The following DLGAP2 variants were observed in gnomAD, a reference collection of about 807,000 sequenced individuals.
DLGAP2 encodes the protein disks large-associated protein 2.
In DLGAP2, 26 loss-of-function variants were observed where a neutral mutation model predicts 100.3. The ratio of observed to expected loss-of-function variants is 0.26; its 90% CI spans 0.19 to 0.36. DLGAP2 has a LOEUF of 0.36. Among genes scored for constraint, DLGAP2 ranks in the 10% least tolerant of loss-of-function variants. The pLI is 1.00. For missense variants in DLGAP2, 1,858 were observed against 1,453.2 expected (o/e 1.28, Z -4.53); for synonymous variants, 886 against 630.1 (o/e 1.41, Z -6.08).
intron 3 of DLGAP2, among the ~76,000 whole-genome samples, chr8:1,324,835 C>T (rs576709129): frequency 6.6e-6 from 1 of 152,238 alleles, no homozygotes; most frequent in Admixed American, 6.5e-5. Context: ...TTGGCAGTCC[C>T]GTGAAATACG....
At position 1,565,865 on chromosome 8, in the gene DLGAP2, C is replaced by T. The variant is rs201868215; in HGVS notation, c.1413C>T (p.Ile471=). 2,601 of 1,610,760 alleles carry T rather than the reference C, an allele frequency of 1.6e-3. 5 individuals are homozygous for T. Among genetic ancestry groups the T allele is most frequent in the Non-Finnish European group, 2.0e-3 (2,334 of 1,178,508 alleles). Residue 471 remains isoleucine, a synonymous_variant, in exon 6 of 15, where the codon ATC becomes ATT. Coordinates refer to ENST00000637795, the MANE Select transcript of DLGAP2 (RefSeq NM_001346810.2). ...TACCAGAGCCGCTGCTGAAGTCCAT[C>T]GGACAGAGACCGCTTGGAGAGCACC... is the stretch of plus-strand genomic sequence containing the variant. ...AILPEPLLKS[I]GQRPLGEHQT...
At chr8:1,086,543 A>G (rs1290988487) in intron 2 of DLGAP2, among the ~76,000 whole-genome samples, 1 of 152,220 alleles carries the variant, frequency 6.6e-6, no homozygotes. Context: ...ATTTTGAAGG[A>G]CACACAGCCT....
chr8:788,325 G>T (rs1318328354), intron 1 of DLGAP2, among the ~76,000 whole-genome samples: 1 of 152,212 alleles, frequency 6.6e-6, no homozygotes, highest in Non-Finnish European at 1.5e-5. Context: ...TCGAGGCCTT[G>T]GCATCTGTGT....
At chr8:1,087,231 T>C (rs1333697101) in intron 2 of DLGAP2, among the ~76,000 whole-genome samples, 4 of 152,208 alleles carry the variant, frequency 2.6e-5, no homozygotes, top group African/African-American at 7.2e-5. Context: ...CAAAAGCAAT[T>C]TTAAGAGGAA....
At chr8:1,478,467 A>T (rs1798997265) in intron 3 of DLGAP2, among the ~76,000 whole-genome samples, 2 of 152,220 alleles carry the variant, frequency 1.3e-5, no homozygotes, top group Non-Finnish European at 2.9e-5. Context: ...TCAGGTGGCC[A>T]ACAGCATCCG....
At chr8:1,215,260 A>G (rs1798190687) in intron 2 of DLGAP2, among the ~76,000 whole-genome samples, 1 of 152,266 alleles carries the variant, frequency 6.6e-6, no homozygotes, top group South Asian at 2.1e-4. Flanking sequence ...AGAAAGTCAA[A>G]TTAAAATAAT....
chr8:1,030,304 G>A (rs1198128730), intron 2 of DLGAP2, among the ~76,000 whole-genome samples: 1 of 152,174 alleles, frequency 6.6e-6, no homozygotes, highest in East Asian at 1.9e-4. Context: ...GTCCCATTGT[G>A]TTTTGTTTCT....
chr8:845,261 G>T (rs1449095385), intron 1 of DLGAP2, among the ~76,000 whole-genome samples: 1 of 152,202 alleles, frequency 6.6e-6, no homozygotes, highest in Non-Finnish European at 1.5e-5. Flanking sequence ...GTTTCTGCCA[G>T]TCGTATAGGA....
At chr8:1,354,492 A>G (rs76170385) in intron 3 of DLGAP2, among the ~76,000 whole-genome samples, 4 of 152,232 alleles carry the variant, frequency 2.6e-5, no homozygotes, top group African/African-American at 9.6e-5. Context: ...CAGCCTGAGC[A>G]ACAGAGCGAG....
In DLGAP2 at chr8:875,904, C is replaced by G. The variant is rs986352091; in HGVS notation, c.19-32008C>G. Among the ~76,000 whole-genome samples, 6 of 152,170 alleles carry G rather than the reference C, an allele frequency of 3.9e-5. No homozygotes were observed. In the East Asian group the frequency reaches 5.8e-4, roughly 15 times the overall value. Reference sequence around the variant, plus strand: ...CTAGTAATAAATAGAAGCATTACTTCTATGTAGCTATACTATGTTTCCCCT... The same window carrying G: ...CTAGTAATAAATAGAAGCATTACTTGTATGTAGCTATACTATGTTTCCCCT... On this transcript the variant is annotated intron_variant, in intron 1 of 14. Coordinates refer to ENST00000637795, the MANE Select transcript of DLGAP2 (RefSeq NM_001346810.2).
At chr8:1,374,908 A>T (rs1213960706) in intron 3 of DLGAP2, among the ~76,000 whole-genome samples, 1 of 152,064 alleles carries the variant, frequency 6.6e-6, no homozygotes, top group African/African-American at 2.4e-5. Flanking sequence ...CACGAGTGGG[A>T]TCCCAAGCCC....
intron 3 of DLGAP2, among the ~76,000 whole-genome samples, chr8:1,470,775 A>ACCCCTCCAGCCTTT (rs1563168449): frequency 1.3e-5 from 1 of 75,982 alleles, no homozygotes; most frequent in East Asian, 4.9e-4. Context: ...GCCTTTCCCG[A>ACCCCTCCAGCCTTT]CTCCCCCAGC....
At chr8:941,330 G>A (rs867560902) in intron 2 of DLGAP2, among the ~76,000 whole-genome samples, 1 of 151,976 alleles carries the variant, frequency 6.6e-6, no homozygotes, top group African/African-American at 2.4e-5. Context: ...CTTGGGCAGC[G>A]GCAAGGTGAG....
At chr8:1,580,545 G>GCAGAA (rs1295877106) in intron 6 of DLGAP2, among the ~76,000 whole-genome samples, 2 of 152,202 alleles carry the variant, frequency 1.3e-5, no homozygotes, top group African/African-American at 2.4e-5. Context: ...CGAAAGCAGA[G>GCAGAA]CAGAACAGAA....
intron 3 of DLGAP2, among the ~76,000 whole-genome samples, chr8:1,327,879 T>C (rs1801058582): frequency 6.6e-6 from 1 of 152,096 alleles, no homozygotes; most frequent in Non-Finnish European, 1.5e-5. Context: ...TGCTTGTAAA[T>C]GAATCCATTC....
Position 1,702,091 on chromosome 8 carries a change from C to G in DLGAP2, c.*685C>G, listed in dbSNP as rs1185993169. 1 of 151,970 alleles carries G rather than the reference C, an allele frequency of 6.6e-6. No individual in the cohort carries two copies. The highest frequency in any genetic ancestry group is 1.5e-5 in the Non-Finnish European group (1 of 68,026). 9.4% of individuals were successfully genotyped at this position (151,970 alleles called of 1,614,324 possible). Reference sequence around the variant, plus strand: ...AGTCTGAACCCACGAAAATACCCAGCGCAGCATCTACACATTCAAAAGATA... The same window carrying G: ...AGTCTGAACCCACGAAAATACCCAGGGCAGCATCTACACATTCAAAAGATA... On this transcript the variant is annotated 3_prime_UTR_variant, in exon 15 of 15. Coordinates refer to ENST00000637795, the MANE Select transcript of DLGAP2 (RefSeq NM_001346810.2).
rs761991138 is a variant in DLGAP2 at position 1,105,397 on chromosome 8, G to A, written c.74-153454G>A. ...AGATAGTGCTGGGAACAGGTTCCCCGCATTCTCACCAGCACCTGTGACTTT... is the reference window on the plus strand; with the variant it reads ...AGATAGTGCTGGGAACAGGTTCCCCACATTCTCACCAGCACCTGTGACTTT... On this transcript the variant is annotated intron_variant, in intron 2 of 14. Transcript: ENST00000637795. Among the ~76,000 whole-genome samples, 9 of 152,104 alleles carry A rather than the reference G, an allele frequency of 5.9e-5. No individual in the cohort carries two copies. The South Asian group carries it at 1.2e-3, about 21-fold the overall frequency.
At chr8:1,315,299 G>C (rs1382459691) in intron 3 of DLGAP2, among the ~76,000 whole-genome samples, 2 of 147,752 alleles carry the variant, frequency 1.4e-5, no homozygotes, top group African/African-American at 4.9e-5. Flanking sequence ...CTGTGCGAGT[G>C]CAGCGTCTCT....
In DLGAP2 at chr8:1,704,963, G is replaced by A. The variant is rs887168550; in HGVS notation, c.*3557G>A. 6.6e-6 allele frequency: 1 copy of A among 152,226 alleles called. No homozygotes were observed. Among genetic ancestry groups the A allele is most frequent in the Admixed American group, 6.5e-5 (1 of 15,278 alleles). 9.4% of individuals were successfully genotyped at this position (152,226 alleles called of 1,614,324 possible). On this transcript the variant is annotated 3_prime_UTR_variant, in exon 15 of 15. Coordinates refer to ENST00000637795, the MANE Select transcript of DLGAP2 (RefSeq NM_001346810.2). ...TTTTGCCTTTTCGATGCCATATTAA[G>A]CAGCCACCGTTTCCACCCCTTTCAT...
Sources: gnomAD v4.1 joint callset for allele counts (sites outside exome capture counted in the v4.1 genomes callset) on GRCh38, gnomAD v4.1.1 for gene constraint, MANE v1.5 for transcripts, NCBI Gene and HGNC (gene_info 2026-07-23, HGNC 2026-07-21) for gene names.